ZSCAN25: variants seen among roughly 807,000 people sequenced by gnomAD.
ZSCAN25 encodes the protein zinc finger and SCAN domain-containing protein 25.
Under a neutral mutation model 38.7 loss-of-function variants are expected in ZSCAN25, and 27 were observed. The observed-to-expected ratio is 0.70, with a 90% CI of 0.51 to 0.96. ZSCAN25 has a LOEUF of 0.96. Among genes scored for constraint, ZSCAN25 ranks in the 40% least tolerant of loss-of-function variants. The pLI is 0.00. For synonymous variants in ZSCAN25, 273 were observed against 277.7 expected (o/e 0.98, Z 0.17); for missense variants, 637 against 705.9 (o/e 0.90, Z 1.11).
At chr7:99,627,506 G>A (rs138443336) in intron 7 of ZSCAN25, among the ~76,000 whole-genome samples, 3 of 151,938 alleles carry the variant, frequency 2.0e-5, no homozygotes, top group Non-Finnish European at 4.4e-5. Context: ...CAATGAAAAA[G>A]AATAAACTAC....
At chr7:99,643,059 AGGTAATGAAGT>A in the ZSCAN25 span, among the ~76,000 whole-genome samples, 16 of 152,210 alleles carry the variant, frequency 1.1e-4, no homozygotes, top group African/African-American at 3.9e-4. Flanking sequence ...TTTTTAATGT[AGGTAATGAAGT>A]TATTTTTTCT....
intron 6 of ZSCAN25, 87 bp downstream of exon 6, chr7:99,622,727 C>T (rs968021095): frequency 6.5e-6 from 8 of 1,239,110 alleles, no homozygotes; most frequent in Admixed American, 2.1e-5. Context: ...CAACAGTGTT[C>T]CCTTCCCGCC....
the ZSCAN25 span, chr7:99,705,477 C>T: frequency 6.2e-7 from 1 of 1,611,974 alleles, no homozygotes; most frequent in East Asian, 2.2e-5. Context: ...TCTTAAAGAG[C>T]AAACCAGAAG....
chr7:99,695,310 G>C, the ZSCAN25 span, among the ~76,000 whole-genome samples: 3 of 152,130 alleles, frequency 2.0e-5, no homozygotes, highest in Admixed American at 2.0e-4. Flanking sequence ...GGAGGTAGGG[G>C]AAAAAGGCTA....
At chr7:99,686,760 C>T in the ZSCAN25 span, among the ~76,000 whole-genome samples, 5 of 152,178 alleles carry the variant, frequency 3.3e-5, no homozygotes, top group South Asian at 2.1e-4. Context: ...ACCCCCCCCC[C>T]AGTAGGGGCA....
the ZSCAN25 span, among the ~76,000 whole-genome samples, chr7:99,639,455 C>T: frequency 6.6e-6 from 1 of 152,142 alleles, no homozygotes; most frequent in Non-Finnish European, 1.5e-5. Context: ...CTAGGTGGTC[C>T]CTGTGGAGGC....
chr7:99,681,159 T>C, the ZSCAN25 span, among the ~76,000 whole-genome samples: 63 of 152,348 alleles, frequency 4.1e-4, no homozygotes, highest in African/African-American at 1.5e-3. Flanking sequence ...GGCTGAATTG[T>C]GCTCCATTGT....
chr7:99,676,645 C>G, the ZSCAN25 span: 1 of 924,592 alleles, frequency 1.1e-6, no homozygotes, highest in Non-Finnish European at 1.6e-6. Context: ...ACTGTATGCA[C>G]TCAATCACAG....
At chr7:99,673,658 A>G in the ZSCAN25 span, among the ~76,000 whole-genome samples, 1 of 152,222 alleles carries the variant, frequency 6.6e-6, no homozygotes, top group Admixed American at 6.5e-5. Context: ...TCAAAAGCAC[A>G]TGTTAAATTC....
At chr7:99,635,677 A>G (rs1808245910), downstream of ZSCAN25, among the ~76,000 whole-genome samples, 1 of 151,684 alleles carries the variant, frequency 6.6e-6, no homozygotes. Context: ...AATTTTAACT[A>G]TGCTCCCAGT....
chr7:99,688,671 C>A, the ZSCAN25 span, among the ~76,000 whole-genome samples: 2 of 152,130 alleles, frequency 1.3e-5, no homozygotes, highest in Non-Finnish European at 2.9e-5. Flanking sequence ...ACCAAGCAGA[C>A]CTAATAGCCA....
the ZSCAN25 span, among the ~76,000 whole-genome samples, chr7:99,680,981 CACTG>C: frequency 6.6e-6 from 1 of 152,224 alleles, no homozygotes; most frequent in Non-Finnish European, 1.5e-5. Context: ...TTGGGTACAA[CACTG>C]ACTAAGGCCC....
chr7:99,680,383 C>G, the ZSCAN25 span, among the ~76,000 whole-genome samples: 2 of 152,140 alleles, frequency 1.3e-5, no homozygotes, highest in Non-Finnish European at 2.9e-5. Context: ...GCCAGACAGA[C>G]CCCTTCTGCT....
the ZSCAN25 span, among the ~76,000 whole-genome samples, chr7:99,673,938 C>T: frequency 6.6e-6 from 1 of 152,228 alleles, no homozygotes; most frequent in Non-Finnish European, 1.5e-5. Context: ...CCTGGTGACA[C>T]ATGGGATCCT....
the ZSCAN25 span, chr7:99,720,431 G>A: frequency 1.2e-6 from 2 of 1,613,032 alleles, no homozygotes; most frequent in Non-Finnish European, 1.7e-6. Flanking sequence ...AGAAAACAGA[G>A]TTGATTAAAC....
the ZSCAN25 span, among the ~76,000 whole-genome samples, chr7:99,689,448 C>A: frequency 1.3e-5 from 2 of 151,306 alleles, no homozygotes; most frequent in African/African-American, 2.4e-5. Context: ...ACACATACAC[C>A]CTCCCAAGAC....
At chr7:99,713,531 C>T in the ZSCAN25 span, 10 of 1,613,216 alleles carry the variant, frequency 6.2e-6, no homozygotes, top group East Asian at 1.6e-4. Context: ...GAAATCCACT[C>T]GGTGCTAGAA....
At chr7:99,718,047 G>A in the ZSCAN25 span, among the ~76,000 whole-genome samples, 1 of 151,994 alleles carries the variant, frequency 6.6e-6, no homozygotes, top group African/African-American at 2.4e-5. Context: ...GTGCCTTGAT[G>A]TGGTAGATTT....
the ZSCAN25 span, chr7:99,663,778 G>T: frequency 1.6e-6 from 2 of 1,257,104 alleles, no homozygotes; most frequent in Non-Finnish European, 2.0e-6. Context: ...AGTTTTAAAT[G>T]CTATCTCTCT....
Sources: gnomAD v4.1 joint callset for allele counts (sites outside exome capture counted in the v4.1 genomes callset) on GRCh38, gnomAD v4.1.1 for gene constraint, MANE v1.5 for transcripts, NCBI Gene and HGNC (gene_info 2026-07-23, HGNC 2026-07-21) for gene names.